DIS3L2: variants seen among roughly 807,000 people sequenced by gnomAD.
DIS3L2 encodes the protein DIS3 like 3'-5' exoribonuclease 2.
In DIS3L2, 34 loss-of-function variants were observed where a neutral mutation model predicts 97.5. That is an observed-to-expected ratio of 0.35 (90% CI 0.27 to 0.46). The LOEUF (loss-of-function observed/expected upper bound fraction) is 0.46, where lower values mean the gene tolerates loss of function less well. Ranked by LOEUF, DIS3L2 falls within the 20% of genes least tolerant of loss-of-function variation. DIS3L2 has a pLI of 1.00. For synonymous variants in DIS3L2, 435 were observed against 445.2 expected, an observed-to-expected ratio of 0.98 and a Z score of 0.29; for missense variants, 1,038 against 1,146.0, an observed-to-expected ratio of 0.91 and a Z score of 1.36.
At chr2:231,997,067 A>G (rs991433686) in intron 1 of DIS3L2, among the ~76,000 whole-genome samples, 1 of 152,234 alleles carries the variant, frequency 6.6e-6, no homozygotes, top group African/African-American at 2.4e-5. Context: ...CCATGAGAGT[A>G]GGGACCTGGT....
chr2:232,024,012 C>G (rs1694589111), intron 3 of DIS3L2, among the ~76,000 whole-genome samples: 1 of 152,084 alleles, frequency 6.6e-6, no homozygotes, highest in African/African-American at 2.4e-5. Context: ...TGCCACTTTC[C>G]CACTCTACGC....
rs569207874 is a variant in DIS3L2 at position 232,114,270 on chromosome 2, G to A, written c.602-16349G>A. Among the ~76,000 whole-genome samples, 6 of 145,664 alleles carry A rather than the reference G, an allele frequency of 4.1e-5. No homozygotes were observed. In the East Asian group the frequency reaches 1.0e-3, roughly 25 times the overall value. On this transcript the variant is annotated intron_variant, in intron 6 of 20. Coordinates refer to ENST00000325385, the MANE Select transcript of DIS3L2 (RefSeq NM_152383.5). ...GGAAGACCTGACTAAGAGCAACAGC[G>A]CTGGAATAAAGAGGAAATAATAGAT...
intron 1 of DIS3L2, among the ~76,000 whole-genome samples, chr2:231,970,846 A>G (rs765595034): frequency 1.3e-5 from 2 of 152,200 alleles, no homozygotes; most frequent in Non-Finnish European, 2.9e-5. Context: ...TCTTATAATA[A>G]TACTTAGCTT....
At chr2:232,145,877 A>G (rs576012623) in intron 8 of DIS3L2, among the ~76,000 whole-genome samples, 4 of 152,230 alleles carry the variant, frequency 2.6e-5, no homozygotes, top group Non-Finnish European at 5.9e-5. Context: ...ACAGAAATAA[A>G]GAAATGTTTA....
At chr2:232,168,213 A>G (rs1690882335) in intron 9 of DIS3L2, among the ~76,000 whole-genome samples, 1 of 152,196 alleles carries the variant, frequency 6.6e-6, no homozygotes, top group African/African-American at 2.4e-5. Flanking sequence ...AAATTCGAGT[A>G]TGTTATTTTG....
chr2:232,134,399 C>T (rs573145238), intron 7 of DIS3L2, among the ~76,000 whole-genome samples: 1 of 152,110 alleles, frequency 6.6e-6, no homozygotes, highest in African/African-American at 2.4e-5. Flanking sequence ...AACTCTATAC[C>T]TTGCGTTTAA....
intron 7 of DIS3L2, among the ~76,000 whole-genome samples, chr2:232,134,567 A>G (rs533539980): frequency 2.0e-5 from 3 of 152,076 alleles, no homozygotes; most frequent in Non-Finnish European, 4.4e-5. Context: ...GCTCACGCCC[A>G]TAATCCCAGC....
At chr2:232,283,973 G>A (rs1236333967) in intron 13 of DIS3L2, among the ~76,000 whole-genome samples, 4 of 152,136 alleles carry the variant, frequency 2.6e-5, no homozygotes, top group Non-Finnish European at 5.9e-5. Flanking sequence ...TGGAACCTTG[G>A]GTGGAAATTG....
At chr2:232,261,026 C>A (rs142021232) in intron 12 of DIS3L2, among the ~76,000 whole-genome samples, 1 of 152,324 alleles carries the variant, frequency 6.6e-6, no homozygotes, top group African/African-American at 2.4e-5. Flanking sequence ...TGCTCCCTCC[C>A]TTTTCTTGCA....
At chr2:232,260,847 G>A (rs1328216296) in intron 12 of DIS3L2, among the ~76,000 whole-genome samples, 2 of 152,166 alleles carry the variant, frequency 1.3e-5, no homozygotes, top group Non-Finnish European at 2.9e-5. Context: ...ACAGCACCTG[G>A]GCTGGGCTCA....
intron 1 of DIS3L2, among the ~76,000 whole-genome samples, chr2:231,988,453 C>G (rs1281363712): frequency 1.3e-5 from 2 of 152,226 alleles, no homozygotes; most frequent in Non-Finnish European, 2.9e-5. Context: ...ATCAAGCTTT[C>G]CCTATCTATC....
At chr2:232,279,531 TTTGTTTGTTTG>T (rs1694229111) in intron 13 of DIS3L2, among the ~76,000 whole-genome samples, 1 of 151,756 alleles carries the variant, frequency 6.6e-6, no homozygotes, top group Non-Finnish European at 1.5e-5. Flanking sequence ...TGTTTGTTTG[TTTGTTTGTTTG>T]TTTTTTGAGA....
At chr2:232,316,861 T>G (rs972356708) in intron 14 of DIS3L2, among the ~76,000 whole-genome samples, 17 of 152,198 alleles carry the variant, frequency 1.1e-4, no homozygotes, top group African/African-American at 4.1e-4. Context: ...ATCAGTTAGC[T>G]GGTCGCTATC....
intron 13 of DIS3L2, among the ~76,000 whole-genome samples, chr2:232,271,841 G>A (rs1181885544): frequency 6.6e-6 from 1 of 152,034 alleles, no homozygotes; most frequent in African/African-American, 2.4e-5. Flanking sequence ...TCTCCCCTTT[G>A]AGAAAAAGGA....
chr2:232,083,323 T>G (rs893100248), intron 5 of DIS3L2, among the ~76,000 whole-genome samples: 7 of 142,102 alleles, frequency 4.9e-5, no homozygotes, highest in African/African-American at 7.8e-5. Flanking sequence ...GAGAAAGACC[T>G]TTCACTGTGA....
chr2:232,084,668 A>G (rs1696517775), intron 5 of DIS3L2, among the ~76,000 whole-genome samples: 1 of 152,166 alleles, frequency 6.6e-6, no homozygotes, highest in African/African-American at 2.4e-5. Context: ...TGACAGATGA[A>G]TGGACAAATG....
intron 6 of DIS3L2, among the ~76,000 whole-genome samples, chr2:232,125,035 CACG>C (rs1388587920): frequency 4.9e-4 from 74 of 152,346 alleles, no homozygotes; most frequent in African/African-American, 1.5e-3. Context: ...TTTATACACA[CACG>C]GCTTTCCTCC....
chr2:232,146,049 C>T (rs1368907975), intron 8 of DIS3L2, among the ~76,000 whole-genome samples: 1 of 152,142 alleles, frequency 6.6e-6, no homozygotes, highest in Admixed American at 6.5e-5. Context: ...GGATGGCTTC[C>T]TGGCCTTGCT....
At chr2:232,058,401 C>G (rs993625888) in intron 5 of DIS3L2, among the ~76,000 whole-genome samples, 2 of 152,104 alleles carry the variant, frequency 1.3e-5, no homozygotes, top group African/African-American at 2.4e-5. Flanking sequence ...GTGGTTATGT[C>G]ATAGATGTAG....
Sources: gnomAD v4.1 joint callset for allele counts (sites outside exome capture counted in the v4.1 genomes callset) on GRCh38, gnomAD v4.1.1 for gene constraint, MANE v1.5 for transcripts, NCBI Gene and HGNC (gene_info 2026-07-23, HGNC 2026-07-21) for gene names.